The following CYFIP1 variants were observed in gnomAD, a reference collection of about 807,000 sequenced individuals.
CYFIP1 encodes cytoplasmic FMR1 interacting protein 1.
A neutral mutation model predicts 163.5 loss-of-function variants in CYFIP1; 58 were observed. The ratio of observed to expected loss-of-function variants is 0.35; its 90% CI spans 0.29 to 0.44. The LOEUF is 0.44. Among genes scored for constraint, CYFIP1 ranks in the 20% least tolerant of loss-of-function variants. CYFIP1 has a pLI of 1.00. For missense variants in CYFIP1, 1,338 were observed against 1,653.8 expected (o/e 0.81, Z 3.31); for synonymous variants, 663 against 660.7 (o/e 1.00, Z -0.05).
rs2061091283 is a variant in CYFIP1, at chr15:22,918,993, C to T, written c.1360-135G>A. The stretch of plus-strand genomic sequence containing the variant: ...TCCCGCGTTCGTGCCCTGCAGCTGC[C>T]CTGCCCCAAAACGTCTTCTCCAAAG... On this transcript the variant is annotated intron_variant, in intron 13 of 30. Coordinates refer to ENST00000617928, the MANE Select transcript of CYFIP1 (RefSeq NM_014608.6). The T allele has an allele frequency of 1.3e-5, 9 of 670,844 alleles. No homozygotes were observed. The South Asian group carries it at 1.6e-4, about 12-fold the overall frequency. The allele number at this position is 670,844 out of a possible 1,614,324, so 41.6% of individuals were successfully genotyped here.
chr15:22,908,256 C>T (rs79984617), intron 21 of CYFIP1, among the ~76,000 whole-genome samples: 4,029 of 152,148 alleles, frequency 0.026, 176 homozygotes, highest in African/African-American at 0.09. Context: ...GCAGAGAATC[C>T]AAAGACCCTC....
In CYFIP1 at chr15:22,870,172, C is replaced by G. The variant is rs751884093; in HGVS notation, c.3618G>C (p.Glu1206Asp). The G allele has an allele frequency of 1.2e-6, 2 of 1,610,330 alleles. No individual in the cohort carries two copies. The highest frequency in any genetic ancestry group is 1.1e-5 in the South Asian group (1 of 90,202). Residue 1206 changes from glutamate to aspartate, a missense_variant, in exon 31 of 31, where the codon GAG (glutamate) becomes GAC (aspartate). Physicochemically the swap from Glu to Asp is conservative, Grantham distance 45. Transcript: ENST00000617928. ...IKNVPLKKMV[E>D]RIRKFQILND... Reference sequence around the variant, plus strand: ...TGAGAATCTGGAACTTGCGAATTCTCTCCACCATCTTCTTCAAAGGCTACA... The same window carrying G: ...TGAGAATCTGGAACTTGCGAATTCTGTCCACCATCTTCTTCAAAGGCTACA...
intron 3 of CYFIP1, 90 bp downstream of exon 3, chr15:22,946,913 A>T: frequency 1.9e-6 from 2 of 1,063,682 alleles, no homozygotes; most frequent in East Asian, 2.4e-5. Context: ...CTCACTGCAT[A>T]GTCTATTGGG....
chr15:22,967,195 T>G (rs1369584343), intron 1 of CYFIP1, among the ~76,000 whole-genome samples: 1 of 152,176 alleles, frequency 6.6e-6, no homozygotes, highest in Non-Finnish European at 1.5e-5. Context: ...TCCCAGGAGC[T>G]GCTGGCAGCA....
At chr15:22,963,647 A>G (rs7167658) in intron 1 of CYFIP1, among the ~76,000 whole-genome samples, 38,870 of 152,060 alleles carry the variant, frequency 0.26, 5,475 homozygotes, top group African/African-American at 0.36. Flanking sequence ...CCGACTCTTC[A>G]AGCGGAAGTG....
chr15:22,975,825 G>C (rs1247093915), intron 1 of CYFIP1, among the ~76,000 whole-genome samples: 1 of 152,166 alleles, frequency 6.6e-6, no homozygotes, highest in Non-Finnish European at 1.5e-5. Context: ...CTCGTTCACA[G>C]GCCAGCCAAA....
At chr15:22,937,921 A>G (rs2061768590) in intron 8 of CYFIP1, among the ~76,000 whole-genome samples, 1 of 152,182 alleles carries the variant, frequency 6.6e-6, no homozygotes, top group South Asian at 2.1e-4. Flanking sequence ...AAAAATTCTT[A>G]ACGTGGACTA....
At position 22,868,362 on chromosome 15, in the gene CYFIP1, A is replaced by AAATAAAT. The variant is rs1555392626; in HGVS notation, c.*1665_*1666insATTTATT. On this transcript the variant is annotated 3_prime_UTR_variant, in exon 31 of 31. Transcript: ENST00000617928. The stretch of plus-strand genomic sequence containing the variant: ...CTCATTTGAACATGCATAGGTTAAT[A>AAATAAAT]AATAATAAATTCTTATTTAACATTT... 1.3e-5 allele frequency: 2 copies of AAATAAAT among 151,954 alleles called. No individual in the cohort carries two copies. The highest frequency in any genetic ancestry group is 2.9e-5 in the Non-Finnish European group (2 of 68,008). 9.4% of individuals were successfully genotyped at this position (151,954 alleles called of 1,614,324 possible). A position where few individuals can be genotyped will look rare whatever the true frequency, so the allele number is the denominator to read the frequency against.
At chr15:22,959,860 G>A (rs564270778) in intron 1 of CYFIP1, among the ~76,000 whole-genome samples, 9 of 152,110 alleles carry the variant, frequency 5.9e-5, no homozygotes, top group Non-Finnish European at 1.3e-4. Context: ...AAGGCTACAC[G>A]GCAGCCACCA....
rs2059345558 is a variant in CYFIP1 at position 22,869,130 on chromosome 15, C to T, written c.*898G>A. 6.6e-6 allele frequency: 1 copy of T among 152,244 alleles called. No individual in the cohort carries two copies. The highest frequency in any genetic ancestry group is 1.5e-5 in the Non-Finnish European group (1 of 68,092). 9.4% of individuals were successfully genotyped at this position (152,244 alleles called of 1,614,324 possible). A position where few individuals can be genotyped will look rare whatever the true frequency, so the allele number is the denominator to read the frequency against. ...AAGGCTGGACTCGGTGCTCCCGGTC[C>T]CTTTGTGCAGCACCCACTGGGCCTG... On this transcript the variant is annotated 3_prime_UTR_variant, in exon 31 of 31. Transcript: ENST00000617928.
intron 23 of CYFIP1, among the ~76,000 whole-genome samples, chr15:22,884,497 T>C (rs1351930678): frequency 6.6e-6 from 1 of 152,222 alleles, no homozygotes; most frequent in African/African-American, 2.4e-5. Flanking sequence ...GTCACACTGA[T>C]GTAAGATGTG....
chr15:22,945,643 A>T (rs1445852713), intron 3 of CYFIP1, among the ~76,000 whole-genome samples: 1 of 150,410 alleles, frequency 6.6e-6, no homozygotes, highest in East Asian at 2.0e-4. Context: ...GCACGATCTC[A>T]GCTCACTGCA....
chr15:22,917,311 C>T lies in CYFIP1; in HGVS notation c.1674+477G>A, dbSNP rs895706945. ...ACAGACGCAGCGGTGTGGATTAAAC[C>T]GGGTGTGAAAGTCGTGAGAAGCACC... On this transcript the variant is annotated intron_variant, in intron 15 of 30. Coordinates refer to ENST00000617928, the MANE Select transcript of CYFIP1 (RefSeq NM_014608.6). The surrounding 1 kb of genome is among the most constrained non-coding windows in gnomAD (Gnocchi z 4.2). The T allele has an allele frequency of 4.8e-5, 63 of 1,321,116 alleles. No individual in the cohort carries two copies. The highest frequency in any genetic ancestry group is 5.3e-5 in the Non-Finnish European group (55 of 1,039,226). 81.8% of individuals were successfully genotyped at this position (1,321,116 alleles called of 1,614,324 possible). A position where few individuals can be genotyped will look rare whatever the true frequency, so the allele number is the denominator to read the frequency against.
Position 22,903,895 on chromosome 15 carries a change from C to T in CYFIP1, c.2399G>A (p.Gly800Asp). The change falls in exon 22 of 31, where the codon GGC becomes GAC. Residue 800 changes from glycine to aspartate, a missense_variant. Around this residue, in one of 4 missense-constraint regions of CYFIP1, gnomAD observed 824 missense variants for 995.7 expected, o/e 0.83. Coordinates refer to ENST00000617928, the MANE Select transcript of CYFIP1 (RefSeq NM_014608.6). The part of the protein sequence containing the change: ...EDLTSIVELD[G>D]LLEINRMTHK... ...GGTCATGCGGTTGATTTCCAACAGG[C>T]CATCCAGCTCCTGTGGCACCAAAGA... 6.2e-7 allele frequency: 1 copy of T among 1,613,974 alleles called. No individual in the cohort carries two copies. Among genetic ancestry groups the T allele is most frequent in the Non-Finnish European group, 8.5e-7 (1 of 1,179,974 alleles).
chr15:22,979,508 AAT>A (rs2140301018), intron 1 of CYFIP1, among the ~76,000 whole-genome samples: 1 of 152,242 alleles, frequency 6.6e-6, no homozygotes, highest in East Asian at 1.9e-4. Context: ...CGCTGGGCTC[AAT>A]CAGCAGCCGC....
intron 1 of CYFIP1, among the ~76,000 whole-genome samples, chr15:22,978,123 G>A (rs923773563): frequency 1.3e-5 from 2 of 151,298 alleles, no homozygotes; most frequent in South Asian, 2.1e-4. Flanking sequence ...AGGCTGAGGC[G>A]GGCAGATCAC....
In CYFIP1 at chr15:22,896,402, T is replaced by C. The variant is rs534941021; in HGVS notation, c.2589-3425A>G. Among the ~76,000 whole-genome samples, 49 of 152,238 alleles carry C rather than the reference T, an allele frequency of 3.2e-4. 2 individuals are homozygous for C. The South Asian group carries it at 9.3e-3, about 29-fold the overall frequency. The stretch of plus-strand genomic sequence containing the variant: ...ATCAAATCTGGGAAATTCAAGGGCA[T>C]TAATTTTGAAATCTTTTCTGCCCCC... On this transcript the variant is annotated intron_variant, in intron 22 of 30. Transcript: ENST00000617928.
intron 23 of CYFIP1, among the ~76,000 whole-genome samples, chr15:22,886,064 C>A (rs576522598): frequency 1.3e-5 from 2 of 152,256 alleles, no homozygotes; most frequent in African/African-American, 4.8e-5. Context: ...GAAGGGGGAG[C>A]AGGCACCTTC....
chr15:22,944,530 A>AG lies in CYFIP1; in HGVS notation c.387+27_387+28insC, dbSNP rs369342626. ...TCAGCAACCCACCCCTCGGTGTTAC[A>AG]CCCCCCCCAGATTATTTGCCATTTT... On this transcript the variant is annotated intron_variant, in intron 5 of 30. Transcript: ENST00000617928. 297 of 1,486,240 alleles carry AG rather than the reference A, an allele frequency of 2.0e-4. 4 individuals carry two copies. In the East Asian group the frequency reaches 4.1e-3, roughly 21 times the overall value. 92.1% of individuals were successfully genotyped at this position (1,486,240 alleles called of 1,614,324 possible).
Sources: allele counts gnomAD v4.1 joint callset (sites outside exome capture counted in the v4.1 genomes callset), GRCh38; gene constraint gnomAD v4.1.1; regional missense constraint gnomAD v4.1.1; non-coding constraint Gnocchi (gnomAD v3.1); transcripts MANE v1.5; gene names NCBI Gene and HGNC (gene_info 2026-07-23, HGNC 2026-07-21).